The following UTP20 variants were observed in gnomAD, a reference collection of about 807,000 sequenced individuals.
UTP20 encodes the protein UTP20 small subunit processome component.
A neutral mutation model predicts 329.5 loss-of-function variants in UTP20; 164 were observed. The ratio of observed to expected loss-of-function variants is 0.50; its 90% CI spans 0.44 to 0.57. UTP20 has a LOEUF of 0.57. Ranked by LOEUF, UTP20 falls within the 20% of genes least tolerant of loss-of-function variation. The probability of loss-of-function intolerance (pLI) is 0.00; values close to 1 mark genes in which losing one functional copy is unlikely to be tolerated. For missense variants in UTP20, 3,055 were observed against 3,284.2 expected (o/e 0.93, Z 1.71); for synonymous variants, 1,151 against 1,159.3 (o/e 0.99, Z 0.14).
intron 21 of UTP20, among the ~76,000 whole-genome samples, chr12:101,314,328 G>GTTGT: frequency 6.6e-6 from 1 of 152,130 alleles, no homozygotes; most frequent in Admixed American, 6.5e-5. Flanking sequence ...ACCTTAATGA[G>GTTGT]TTGTTTTGAT....
At position 101,317,572 on chromosome 12, in the gene UTP20, C is replaced by G; in HGVS notation, c.2647C>G (p.Pro883Ala). 1.2e-6 allele frequency: 2 copies of G among 1,614,138 alleles called. No individual in the cohort carries two copies. The highest frequency in any genetic ancestry group is 1.7e-6 in the Non-Finnish European group (2 of 1,180,018). Residue 883 changes from proline (P) to alanine (A), a missense_variant, in exon 22 of 62, where the codon CCT (proline) becomes GCT (alanine). By Grantham distance (27) the Pro-to-Ala change is conservative. Around this residue, in one of 3 missense-constraint regions of UTP20, gnomAD observed 2,445 missense variants for 2,575.5 expected, o/e 0.95. Transcript: ENST00000261637. Reference protein sequence around the residue: ...GMVAEEIEEEPAAGDDEELEE... With the variant: ...GMVAEEIEEEAAAGDDEELEE... ...GGTGGCAGAGGAAATCGAAGAGGAACCTGCCGCAGGAGATGATGAAGAGTT... is the reference window on the plus strand; with the variant it reads ...GGTGGCAGAGGAAATCGAAGAGGAAGCTGCCGCAGGAGATGATGAAGAGTT...
Position 101,374,833 on chromosome 12 carries a change from T to G in UTP20, c.7157T>G (p.Leu2386Arg). The change falls in exon 55 of 62, where the codon CTG becomes CGG. Residue 2386 changes from leucine to arginine, a missense_variant. This residue lies in a region of UTP20 where 273 missense variants were observed against 363.1 expected (regional missense o/e 0.75). Coordinates refer to ENST00000261637, the MANE Select transcript of UTP20 (RefSeq NM_014503.3). ...KKRLNRQLAA[L>R]ICGLFVESEG... Reference sequence around the variant, plus strand: ...CGCTTAAATAGACAACTTGCTGCCCTGATCTGTGGCTTGTTTGTGGAAAGT... The same window carrying G: ...CGCTTAAATAGACAACTTGCTGCCCGGATCTGTGGCTTGTTTGTGGAAAGT... The G allele has an allele frequency of 3.2e-6, 4 of 1,234,470 alleles. No individual in the cohort carries two copies. Among genetic ancestry groups the G allele is most frequent in the Non-Finnish European group, 4.8e-6 (4 of 832,724 alleles). 76.5% of individuals were successfully genotyped at this position (1,234,470 alleles called of 1,614,324 possible).
chr12:101,282,079 A>G (rs1871816782), intron 2 of UTP20, among the ~76,000 whole-genome samples: 1 of 152,198 alleles, frequency 6.6e-6, no homozygotes, highest in Non-Finnish European at 1.5e-5. Context: ...CGTACGTAAC[A>G]TGCCTATACC....
intron 27 of UTP20, among the ~76,000 whole-genome samples, chr12:101,330,501 T>C (rs1351723144): frequency 6.6e-6 from 1 of 152,138 alleles, no homozygotes; most frequent in Non-Finnish European, 1.5e-5. Flanking sequence ...GACTGTGTAG[T>C]GTTTTAAAAA....
rs375681505 is a variant in UTP20, at chr12:101,329,276, G to A, written c.3244G>A (p.Asp1082Asn). The A allele has an allele frequency of 6.3e-5, 101 of 1,613,976 alleles. No homozygotes were observed. The highest frequency in any genetic ancestry group is 8.0e-5 in the Non-Finnish European group (94 of 1,180,030). ...TTCTGCAGTCATTCAAGCAGTAGAA[G>A]ACTTGGATTTGTCTAAAGTTCTTCC... ...CHSAVIQAVE[D>N]LDLSKVLPLG... Residue 1082 changes from aspartate (D) to asparagine (N), a missense_variant, in exon 27 of 62, where the codon GAC (aspartate) becomes AAC (asparagine). Physicochemically the swap from Asp to Asn is conservative, Grantham distance 23 (BLOSUM62 1). Transcript: ENST00000261637.
intron 40 of UTP20, 138 bp from the exon 41 acceptor site, chr12:101,354,694 G>T (rs1001784318): frequency 1.2e-6 from 1 of 849,516 alleles, no homozygotes; most frequent in Non-Finnish European, 1.8e-6. Context: ...TCTTTCCTCA[G>T]CACTTACCTT....
Position 101,280,240 on chromosome 12 carries a change from C to G in UTP20, c.-43C>G, listed in dbSNP as rs1407414354. ...CTCCTTACTGTCGGTTGCATCCCTT[C>G]GACACTCCCGAGGCCGTCGCGGGCC... On this transcript the variant is annotated 5_prime_UTR_variant, in exon 1 of 62. Coordinates refer to ENST00000261637, the MANE Select transcript of UTP20 (RefSeq NM_014503.3). 1 of 1,551,132 alleles carries G rather than the reference C, an allele frequency of 6.4e-7. No homozygotes were observed. Among genetic ancestry groups the G allele is most frequent in the Non-Finnish European group, 8.7e-7 (1 of 1,146,566 alleles).
At chr12:101,329,159 A>T (rs569711705) in intron 26 of UTP20, 82 bp from the exon 27 acceptor site, 2 of 1,213,146 alleles carry the variant, frequency 1.6e-6, no homozygotes, top group African/African-American at 3.0e-5. Context: ...TATTAAGGGA[A>T]ATGGAAATAA....
In UTP20 at chr12:101,311,785, A is replaced by G. The variant is rs758760126; in HGVS notation, c.2298A>G (p.Ala766=). ...TCTACTATGAGCATCTAGAAAAAGC[A>G]GCTACGCATGCTGGTATGTAAAGGG... ...WKVYYEHLEK[A]ATHAEKELQN... The change falls in exon 20 of 62, where the codon GCA becomes GCG. Residue 766 remains alanine, a synonymous_variant. Transcript: ENST00000261637. 7 of 1,613,094 alleles carry G rather than the reference A, an allele frequency of 4.3e-6. No individual in the cohort carries two copies. Among genetic ancestry groups the G allele is most frequent in the Non-Finnish European group, 5.1e-6 (6 of 1,179,800 alleles).
Position 101,375,692 on chromosome 12 carries a change from A to G in UTP20, c.7332A>G (p.Lys2444=). Residue 2444 remains lysine, a synonymous_variant, in exon 56 of 62, where the codon AAA becomes AAG. Transcript: ENST00000261637. ...TTAGTTTTCTTACACTGATAACTAAACTTATCAAGGAATGTAATATTATTC... is the reference window on the plus strand; with the variant it reads ...TTAGTTTTCTTACACTGATAACTAAGCTTATCAAGGAATGTAATATTATTC... ...LLFSFLTLIT[K]LIKECNIIQF... The G allele has an allele frequency of 6.2e-7, 1 of 1,608,014 alleles. No individual in the cohort carries two copies. Among genetic ancestry groups the G allele is most frequent in the South Asian group, 1.1e-5 (1 of 90,170 alleles).
Position 101,312,022 on chromosome 12 carries a change from T to C in UTP20, c.2312-14T>C. 1 of 1,613,914 alleles carries C rather than the reference T, an allele frequency of 6.2e-7. No homozygotes were observed. The highest frequency in any genetic ancestry group is 1.3e-5 in the African/African-American group (1 of 75,040). ...ATATTTGTCTGGTGGTTATGACAACTTTCTTTCTTGCAGAGAAGGAACTAC... is the reference window on the plus strand; with the variant it reads ...ATATTTGTCTGGTGGTTATGACAACCTTCTTTCTTGCAGAGAAGGAACTAC... On this transcript the variant is annotated splice_polypyrimidine_tract_variant and intron_variant, in intron 20 of 61. Transcript: ENST00000261637.
At position 101,373,661 on chromosome 12, in the gene UTP20, G is replaced by A; in HGVS notation, c.7025G>A (p.Cys2342Tyr). Reference protein sequence around the residue: ...LMTINDDSATCKKMASMTIKS... With the variant: ...LMTINDDSATYKKMASMTIKS... ...ACGATCAATGATGACTCTGCCACGT[G>A]CAAAAAGATGGCATCCATGACAATC... Residue 2342 changes from cysteine to tyrosine, a missense_variant, in exon 54 of 62, where the codon TGC (cysteine) becomes TAC (tyrosine). By Grantham distance (194) the Cys-to-Tyr change is radical. Coordinates refer to ENST00000261637, the MANE Select transcript of UTP20 (RefSeq NM_014503.3). The A allele has an allele frequency of 6.2e-7, 1 of 1,612,652 alleles. No individual in the cohort carries two copies. The highest frequency in any genetic ancestry group is 8.5e-7 in the Non-Finnish European group (1 of 1,179,740).
At chr12:101,309,446 G>A (rs1191208939) in intron 18 of UTP20, among the ~76,000 whole-genome samples, 1 of 152,162 alleles carries the variant, frequency 6.6e-6, no homozygotes, top group Non-Finnish European at 1.5e-5. Flanking sequence ...GTCTTAATCT[G>A]GTGACAGCAA....
chr12:101,329,382 C>G lies in UTP20; in HGVS notation c.3350C>G (p.Pro1117Arg). The change falls in exon 27 of 62, where the codon CCG becomes CGG. Residue 1117 changes from proline (P) to arginine (R), a missense_variant. Pro to Arg is a moderately radical substitution (Grantham distance 103). Transcript: ENST00000261637. ...AGTCATCTGATCAGCGCATACCTGCCGAAGATTTTGCAGATACTGCTCTGT... is the reference window on the plus strand; with the variant it reads ...AGTCATCTGATCAGCGCATACCTGCGGAAGATTTTGCAGATACTGCTCTGT... ...NISHLISAYL[P>R]KILQILLCMT... 6.2e-7 allele frequency: 1 copy of G among 1,613,904 alleles called. No individual in the cohort carries two copies. The highest frequency in any genetic ancestry group is 1.1e-5 in the South Asian group (1 of 91,028).
chr12:101,310,592 A>AAAAAAAAAAAAAAAAAAAAAAAC (rs1872757618), intron 19 of UTP20, among the ~76,000 whole-genome samples: 1 of 150,336 alleles, frequency 6.7e-6, no homozygotes, highest in African/African-American at 2.5e-5. Context: ...AAAAAAAAAA[A>AAAAAAAAAAAAAAAAAAAAAAAC]AAAAAATACA....
At chr12:101,289,992 T>G (rs1001626826) in intron 6 of UTP20, 145 bp from the exon 7 acceptor site, 13 of 615,010 alleles carry the variant, frequency 2.1e-5, no homozygotes, top group Non-Finnish European at 3.1e-5. Flanking sequence ...TAGAGTAGTT[T>G]GAAATCATTA....
chr12:101,311,899 A>G, intron 20 of UTP20, 101 bp downstream of exon 20: 3 of 1,553,608 alleles, frequency 1.9e-6, no homozygotes. Context: ...CAGAGATGAA[A>G]CATATATTAT....
intron 24 of UTP20, 22 bp from the exon 25 acceptor site, chr12:101,321,482 G>T: frequency 1.9e-6 from 3 of 1,610,546 alleles, no homozygotes; most frequent in Non-Finnish European, 2.5e-6. Context: ...GTGGTGATTT[G>T]TGCTGTTCTC....
chr12:101,319,670 T>A (rs775204085), intron 23 of UTP20, 35 bp downstream of exon 23: 12 of 1,525,700 alleles, frequency 7.9e-6, no homozygotes, highest in South Asian at 3.7e-5. Context: ...TATAATTCTT[T>A]GTGAACTTTT....
Sources: gnomAD v4.1 joint callset for allele counts (sites outside exome capture counted in the v4.1 genomes callset) on GRCh38, gnomAD v4.1.1 for gene constraint, gnomAD v4.1.1 regional missense constraint, MANE v1.5 for transcripts, NCBI Gene and HGNC (gene_info 2026-07-23, HGNC 2026-07-21) for gene names.